The following NBAS variants were observed in gnomAD, a reference collection of about 807,000 sequenced individuals.
NBAS encodes the protein NBAS subunit of NRZ tethering complex, also known as NAG/BC035112 fusion.
NBAS carries 219 observed loss-of-function variants against 302.5 expected under a neutral mutation model. The observed-to-expected ratio is 0.72, with a 90% CI of 0.65 to 0.81. The LOEUF is 0.81. Among genes scored for constraint, NBAS ranks in the 30% least tolerant of loss-of-function variants. The pLI is 0.00. For missense variants in NBAS, 2,932 were observed against 2,841.6 expected (o/e 1.03, Z -0.72); for synonymous variants, 1,118 against 1,021.6 (o/e 1.09, Z -1.80).
the NBAS span, among the ~76,000 whole-genome samples, chr2:14,933,155 A>T: frequency 6.6e-6 from 1 of 152,024 alleles, no homozygotes; most frequent in Non-Finnish European, 1.5e-5. Flanking sequence ...TTGATAAGAC[A>T]TAGTGCTAAC....
downstream of NBAS, chr2:15,166,768 A>G (rs560231861): frequency 4.7e-5 from 17 of 359,144 alleles, no homozygotes; most frequent in Non-Finnish European, 8.0e-5. Flanking sequence ...ACAGTTGTGG[A>G]CACATTATAA....
intron 28 of NBAS, among the ~76,000 whole-genome samples, chr2:15,393,289 C>T (rs1250471991): frequency 6.6e-6 from 1 of 151,748 alleles, no homozygotes; most frequent in African/African-American, 2.4e-5. Flanking sequence ...AGAAAATCTT[C>T]GCAAAGCATA....
chr2:15,292,637 T>C lies in NBAS; in HGVS notation c.4927A>G (p.Thr1643Ala), dbSNP rs775034454. 2.3e-5 allele frequency: 37 copies of C among 1,613,970 alleles called. 1 individual carries two copies. In the East Asian group the frequency reaches 8.2e-4, roughly 36 times the overall value. Reference sequence around the variant, plus strand: ...AGGCCCTGAAGGATCTGCGCCTGAGTGAAATCCAGGAGACGTTCATTGTAG... The same window carrying C: ...AGGCCCTGAAGGATCTGCGCCTGAGCGAAATCCAGGAGACGTTCATTGTAG... Reference protein sequence around the residue: ...HCYNERLLDFTQAQILQGLRK... With the variant: ...HCYNERLLDFAQAQILQGLRK... The change falls in exon 41 of 52, where the codon ACT becomes GCT. Residue 1643 changes from threonine to alanine, a missense_variant. Physicochemically the swap from Thr to Ala is moderately conservative, Grantham distance 58 (BLOSUM62 0). Transcript: ENST00000281513.
At chr2:15,524,605 T>C (rs758408148) in intron 9 of NBAS, among the ~76,000 whole-genome samples, 8 of 152,178 alleles carry the variant, frequency 5.3e-5, no homozygotes, top group Non-Finnish European at 5.9e-5. Context: ...TTTAGGCAGC[T>C]ATAATCAATG....
chr2:15,128,348 A>G, the NBAS span, among the ~76,000 whole-genome samples: 1 of 152,224 alleles, frequency 6.6e-6, no homozygotes, highest in Admixed American at 6.5e-5. Flanking sequence ...TAGATGCACC[A>G]TAATACCTTT....
chr2:15,147,147 T>G, the NBAS span, among the ~76,000 whole-genome samples: 1 of 152,126 alleles, frequency 6.6e-6, no homozygotes, highest in African/African-American at 2.4e-5. Context: ...CTGAGACGGG[T>G]AGGGAAATGT....
the NBAS span, among the ~76,000 whole-genome samples, chr2:15,090,949 A>G: frequency 6.6e-6 from 1 of 152,194 alleles, no homozygotes; most frequent in Admixed American, 6.5e-5. Context: ...CTGAACGCCG[A>G]AAAGATTACA....
the NBAS span, among the ~76,000 whole-genome samples, chr2:14,840,498 A>C: frequency 3.3e-5 from 5 of 152,248 alleles, no homozygotes; most frequent in East Asian, 9.6e-4. Flanking sequence ...TTCTGAGATC[A>C]AGAACAAAGA....
the NBAS span, among the ~76,000 whole-genome samples, chr2:15,072,489 AT>A: frequency 3.3e-5 from 5 of 151,760 alleles, no homozygotes; most frequent in African/African-American, 1.2e-4. Flanking sequence ...AGTATTGAAG[AT>A]TTTTAAAAAA....
intron 11 of NBAS, among the ~76,000 whole-genome samples, chr2:15,492,794 C>T (rs915816474): frequency 2.0e-4 from 31 of 152,234 alleles, no homozygotes; most frequent in African/African-American, 7.0e-4. Context: ...ATATAACATG[C>T]AAGGGGGTTC....
chr2:14,965,801 C>A, the NBAS span, among the ~76,000 whole-genome samples: 1 of 151,774 alleles, frequency 6.6e-6, no homozygotes, highest in African/African-American at 2.4e-5. Context: ...TTGATTCCAA[C>A]AACATATTTT....
At chr2:15,485,019 ATGGTTGTTCAAAC>A (rs887972430) in intron 12 of NBAS, among the ~76,000 whole-genome samples, 31 of 152,256 alleles carry the variant, frequency 2.0e-4, no homozygotes, top group African/African-American at 7.5e-4. Flanking sequence ...CAAAGAAACT[ATGGTTGTTCAAAC>A]TCTTCTTGCT....
chr2:15,161,119 A>G, the NBAS span, among the ~76,000 whole-genome samples: 46,704 of 151,988 alleles, frequency 0.31, 7,333 homozygotes, highest in Middle Eastern at 0.36. Flanking sequence ...AATCAGAATG[A>G]TGTGAGTTCA....
intron 46 of NBAS, among the ~76,000 whole-genome samples, chr2:15,233,668 GTTCT>G (rs1249137401): frequency 2.0e-5 from 3 of 152,014 alleles, no homozygotes; most frequent in South Asian, 2.1e-4. Flanking sequence ...TTTGAAATTT[GTTCT>G]TTTTTAGAAA....
chr2:14,814,418 C>T, the NBAS span, among the ~76,000 whole-genome samples: 366 of 152,314 alleles, frequency 2.4e-3, no homozygotes, highest in African/African-American at 8.0e-3. Context: ...GGGAGCCCAC[C>T]CTTTGCATCA....
rs779830356 is a variant in NBAS at position 15,558,534 on chromosome 2, T to G, written c.172+46A>C. 18 of 1,516,086 alleles carry G rather than the reference T, an allele frequency of 1.2e-5. No homozygotes were observed. In the Admixed American group the frequency reaches 2.4e-4, roughly 20 times the overall value. The allele number at this position is 1,516,086 out of a possible 1,614,324, so 93.9% of individuals were successfully genotyped here. ...CATCAGAAGTCTAAAGAACACATTT[T>G]AACTGTTAACCATATCATTACTGTA... On this transcript the variant is annotated intron_variant, in intron 2 of 51. Coordinates refer to ENST00000281513, the MANE Select transcript of NBAS (RefSeq NM_015909.4).
chr2:15,288,411 G>C (rs952038797), intron 41 of NBAS, among the ~76,000 whole-genome samples: 3 of 152,156 alleles, frequency 2.0e-5, no homozygotes, highest in Non-Finnish European at 2.9e-5. Flanking sequence ...ACCCAGCAGA[G>C]GGTGGGAGGG....
the NBAS span, among the ~76,000 whole-genome samples, chr2:15,034,509 G>A: frequency 1.6e-4 from 25 of 152,192 alleles, no homozygotes; most frequent in Non-Finnish European, 2.6e-4. Context: ...CAACACAGCC[G>A]GTGGTGCTTT....
At position 15,353,686 on chromosome 2, in the gene NBAS, C is replaced by A. The variant is rs770410326; in HGVS notation, c.3956G>T (p.Cys1319Phe). Residue 1319 changes from cysteine (C) to phenylalanine (F), a missense_variant, in exon 34 of 52, where the codon TGT (cysteine) becomes TTT (phenylalanine). Transcript: ENST00000281513. ...ACCTTCTGATTGTCCTAACTGGCTA[C>A]AAACATCCCAACTTTTAGGATAACC... ...ATGYPKSWDV[C>F]SQLGQSEGYQ... 1 of 1,614,022 alleles carries A rather than the reference C, an allele frequency of 6.2e-7. No homozygotes were observed. Among genetic ancestry groups the A allele is most frequent in the East Asian group, 2.2e-5 (1 of 44,868 alleles).
Sources: gnomAD v4.1 joint callset for allele counts (sites outside exome capture counted in the v4.1 genomes callset) on GRCh38, gnomAD v4.1.1 for gene constraint, MANE v1.5 for transcripts, NCBI Gene and HGNC (gene_info 2026-07-23, HGNC 2026-07-21) for gene names.